Variants in MSRA observed in about 807,000 individuals in gnomAD.
MSRA encodes the protein methionine sulfoxide reductase A, also known as mitochondrial peptide methionine sulfoxide reductase.
Under a neutral mutation model 31.3 loss-of-function variants are expected in MSRA, and 54 were observed. The ratio of observed to expected loss-of-function variants is 1.73; its 90% CI spans 1.39 to 2.17. The LOEUF is 2.17. Ranked by LOEUF, MSRA falls within the 30% of genes most tolerant of loss-of-function variation. MSRA has a pLI of 0.00. For synonymous variants in MSRA, 169 were observed against 116.5 expected, an observed-to-expected ratio of 1.45 and a Z score of -2.90; for missense variants, 507 against 300.9, an observed-to-expected ratio of 1.69 and a Z score of -5.07.
chr8:10,275,940 G>C (rs1799296980), intron 3 of MSRA, among the ~76,000 whole-genome samples: 1 of 152,140 alleles, frequency 6.6e-6, no homozygotes, highest in African/African-American at 2.4e-5. Context: ...ATCATTAATT[G>C]CTCATGAAAA....
intron 5 of MSRA, among the ~76,000 whole-genome samples, chr8:10,357,287 G>C (rs1437558958): frequency 6.6e-6 from 1 of 152,172 alleles, no homozygotes; most frequent in Non-Finnish European, 1.5e-5. Context: ...GAGCTTCCAT[G>C]TCATTTTCCA....
At chr8:10,207,219 G>A (rs894406365) in intron 1 of MSRA, among the ~76,000 whole-genome samples, 1 of 152,202 alleles carries the variant, frequency 6.6e-6, no homozygotes, top group Non-Finnish European at 1.5e-5. Context: ...GGTGGGAAGG[G>A]TGACTGGTTA....
At chr8:10,214,816 T>A (rs764260293) in intron 2 of MSRA, among the ~76,000 whole-genome samples, 6 of 152,208 alleles carry the variant, frequency 3.9e-5, no homozygotes, top group Non-Finnish European at 8.8e-5. Flanking sequence ...GGAGACATAG[T>A]TTAAGATGCA....
At chr8:10,306,387 A>C (rs1801140795) in intron 4 of MSRA, among the ~76,000 whole-genome samples, 1 of 152,158 alleles carries the variant, frequency 6.6e-6, no homozygotes, top group Non-Finnish European at 1.5e-5. Context: ...ACAACAATAC[A>C]ATTCCATCAG....
At chr8:10,253,387 C>T (rs1798017642) in intron 3 of MSRA, among the ~76,000 whole-genome samples, 1 of 152,308 alleles carries the variant, frequency 6.6e-6, no homozygotes, top group Admixed American at 6.5e-5. Flanking sequence ...CAGCTTAAAT[C>T]ACTGCTGAGG....
intron 1 of MSRA, among the ~76,000 whole-genome samples, chr8:10,157,655 A>G (rs1804269235): frequency 6.6e-6 from 1 of 152,116 alleles, no homozygotes; most frequent in African/African-American, 2.4e-5. Context: ...TAGTTCTTTA[A>G]TATCAAATAT....
chr8:10,174,030 T>G (rs1805828923), intron 1 of MSRA, among the ~76,000 whole-genome samples: 1 of 152,126 alleles, frequency 6.6e-6, no homozygotes. Flanking sequence ...CTACATGGTA[T>G]CTTCTAGCTT....
At chr8:10,058,716 G>A (rs889765426) in intron 1 of MSRA, among the ~76,000 whole-genome samples, 2 of 152,202 alleles carry the variant, frequency 1.3e-5, no homozygotes, top group South Asian at 4.1e-4. Flanking sequence ...AGACCAAGAC[G>A]AGGAGTGAGA....
chr8:10,202,020 C>T (rs1176938973), intron 1 of MSRA, among the ~76,000 whole-genome samples: 1 of 152,214 alleles, frequency 6.6e-6, no homozygotes, highest in Non-Finnish European at 1.5e-5. Flanking sequence ...TCTTGTGTCT[C>T]CATTTGACAC....
chr8:10,205,760 G>A (rs1585165980), intron 1 of MSRA, among the ~76,000 whole-genome samples: 1 of 152,156 alleles, frequency 6.6e-6, no homozygotes, highest in East Asian at 1.9e-4. Flanking sequence ...TCTTCTGCCA[G>A]TCTTTTCACA....
chr8:10,125,328 A>C (rs576031727), intron 1 of MSRA, among the ~76,000 whole-genome samples: 42 of 152,308 alleles, frequency 2.8e-4, no homozygotes, highest in African/African-American at 9.1e-4. Flanking sequence ...GTGTGGTGGC[A>C]CAGATCAAAA....
At chr8:10,309,505 C>G (rs1384808743) in intron 4 of MSRA, among the ~76,000 whole-genome samples, 2 of 152,214 alleles carry the variant, frequency 1.3e-5, no homozygotes, top group African/African-American at 4.8e-5. Flanking sequence ...GTTCTGATTA[C>G]CCCTGATGGC....
chr8:10,152,719 C>G (rs187006163), intron 1 of MSRA, among the ~76,000 whole-genome samples: 6 of 152,332 alleles, frequency 3.9e-5, no homozygotes, highest in Admixed American at 3.3e-4. Flanking sequence ...GTAACGCACA[C>G]TTCATGTTCA....
At chr8:10,417,301 A>G (rs769422011) in intron 5 of MSRA, among the ~76,000 whole-genome samples, 16 of 152,000 alleles carry the variant, frequency 1.1e-4, no homozygotes, top group Non-Finnish European at 2.2e-4. Context: ...TCCTCCTTGC[A>G]TGTGCCAGCA....
chr8:10,055,876 G>A (rs74554593), intron 1 of MSRA, among the ~76,000 whole-genome samples: 184 of 152,182 alleles, frequency 1.2e-3, no homozygotes, highest in African/African-American at 4.3e-3. Flanking sequence ...ATTATTAATC[G>A]AATTAGCAGT....
intron 3 of MSRA, among the ~76,000 whole-genome samples, chr8:10,292,463 G>A (rs903227688): frequency 2.0e-5 from 3 of 152,240 alleles, no homozygotes; most frequent in African/African-American, 4.8e-5. Context: ...CGGCAGGGCC[G>A]GGTGTGGAAG....
chr8:10,399,753 GA>G (rs1807328337), intron 5 of MSRA, among the ~76,000 whole-genome samples: 1 of 152,196 alleles, frequency 6.6e-6, no homozygotes, highest in African/African-American at 2.4e-5. Flanking sequence ...CGCTACATAG[GA>G]GGGTGCAATG....
intron 3 of MSRA, among the ~76,000 whole-genome samples, chr8:10,267,226 A>G (rs1250077657): frequency 3.9e-5 from 6 of 152,172 alleles, no homozygotes; most frequent in African/African-American, 1.2e-4. Flanking sequence ...TCATGTAATT[A>G]TGTCTCTGGA....
At chr8:10,190,072 G>A (rs935271172) in intron 1 of MSRA, among the ~76,000 whole-genome samples, 1 of 152,114 alleles carries the variant, frequency 6.6e-6, no homozygotes, top group South Asian at 2.1e-4. Context: ...TGTAAGCTCT[G>A]TGATAAGCCA....
Sources: allele counts gnomAD v4.1 joint callset (sites outside exome capture counted in the v4.1 genomes callset), GRCh38; gene constraint gnomAD v4.1.1; transcripts MANE v1.5; gene names NCBI Gene and HGNC (gene_info 2026-07-23, HGNC 2026-07-21).